The following NOL4L variants were observed in gnomAD, a reference collection of about 807,000 sequenced individuals.
The protein encoded by NOL4L is nucleolar protein 4-like.
A neutral mutation model predicts 64.5 loss-of-function variants in NOL4L; 7 were observed. That is an observed-to-expected ratio of 0.11 (90% CI 0.06 to 0.20). The LOEUF (loss-of-function observed/expected upper bound fraction) is 0.20, where lower values mean the gene tolerates loss of function less well. Ranked by LOEUF, NOL4L falls within the 10% of genes least tolerant of loss-of-function variation. NOL4L has a pLI of 1.00. For synonymous variants in NOL4L, 413 were observed against 401.0 expected (o/e 1.03, Z -0.36); for missense variants, 680 against 967.1 (o/e 0.70, Z 3.94).
intron 1 of NOL4L, chr20:32,548,649 T>G: frequency 3.5e-6 from 1 of 284,368 alleles, no homozygotes. Flanking sequence ...TTGCCGGGAG[T>G]GAAAATTGGT....
intron 1 of NOL4L, among the ~76,000 whole-genome samples, chr20:32,557,612 C>T (rs537373886): frequency 3.3e-5 from 5 of 152,296 alleles, no homozygotes; most frequent in African/African-American, 7.2e-5. Context: ...TTCCTCCTAG[C>T]GCTAAAAATG....
rs73613784 is a variant in NOL4L at position 32,580,385 on chromosome 20, C to T, written c.321+4185G>A. Among the ~76,000 whole-genome samples the T allele has an allele frequency of 6.6e-4, 101 of 152,286 alleles. 1 individual carries two copies. The East Asian group carries it at 0.016, about 24-fold the overall frequency. ...CAACCAAAGGTCACAGCACATATTA[C>T]GCGGTGCTAAGTCAGAGGCCATTTC... On this transcript the variant is annotated intron_variant, in intron 1 of 10. Transcript: ENST00000621426.
rs1349923392 is a variant in NOL4L, at chr20:32,463,586, G to A, written c.842-7191C>T. ...TGCCTACGGGCAGGGAAGGACTGCC[G>A]TGTCCGTCTATTTGAACATGGGGCA... is the stretch of plus-strand genomic sequence containing the variant. On this transcript the variant is annotated intron_variant, in intron 5 of 10. Transcript: ENST00000621426. This position sits in a 1 kb window ranked among gnomAD's most constrained non-coding sequence, Gnocchi z 5.8. 1.3e-5 allele frequency among the ~76,000 whole-genome samples: 2 copies of A among 152,250 alleles called. No homozygotes were observed. The highest frequency in any genetic ancestry group is 4.8e-5 in the African/African-American group (2 of 41,472).
At chr20:32,485,075 A>AAAAAAAAAAAAAC (rs1168944390) in intron 4 of NOL4L, among the ~76,000 whole-genome samples, 1 of 147,918 alleles carries the variant, frequency 6.8e-6, no homozygotes, top group Non-Finnish European at 1.5e-5. Context: ...AAAAAAAAAA[A>AAAAAAAAAAAAAC]AAAAAAAAAA....
chr20:32,499,155 G>T (rs889293850), intron 4 of NOL4L, among the ~76,000 whole-genome samples: 4 of 152,230 alleles, frequency 2.6e-5, no homozygotes, highest in African/African-American at 9.6e-5. Flanking sequence ...GGGATTACAG[G>T]CGTGAGCCAC....
chr20:32,497,422 AGTGC>A (rs2016738295), intron 4 of NOL4L, among the ~76,000 whole-genome samples: 1 of 152,166 alleles, frequency 6.6e-6, no homozygotes, highest in Admixed American at 6.5e-5. Context: ...CCTGAGTTTC[AGTGC>A]CTTAAGTAGA....
chr20:32,493,829 G>A lies in NOL4L; in HGVS notation c.699+17518C>T, dbSNP rs528930058. 7.2e-5 allele frequency among the ~76,000 whole-genome samples: 11 copies of A among 151,986 alleles called. No homozygotes were observed. The East Asian group carries it at 9.7e-4, about 13-fold the overall frequency. On this transcript the variant is annotated intron_variant, in intron 4 of 10. Transcript: ENST00000621426. Reference sequence around the variant, plus strand: ...GAGCCGATGGTGCTGGTGCTGCTGCGGCCTCAGCTTGTCCCTACCCTGACT... The same window carrying A: ...GAGCCGATGGTGCTGGTGCTGCTGCAGCCTCAGCTTGTCCCTACCCTGACT...
At chr20:32,567,589 G>C (rs1361070281) in intron 1 of NOL4L, among the ~76,000 whole-genome samples, 1 of 152,202 alleles carries the variant, frequency 6.6e-6, no homozygotes, top group South Asian at 2.1e-4. Flanking sequence ...ACTGCCTGCT[G>C]GAAGTGGCAG....
intron 4 of NOL4L, among the ~76,000 whole-genome samples, chr20:32,479,981 G>T (rs2015619670): frequency 6.6e-6 from 1 of 152,194 alleles, no homozygotes; most frequent in Non-Finnish European, 1.5e-5. Context: ...CTTCTGCATG[G>T]TAACTAGCAC....
chr20:32,580,672 A>T (rs1980409800), intron 1 of NOL4L, among the ~76,000 whole-genome samples: 1 of 152,152 alleles, frequency 6.6e-6, no homozygotes, highest in Non-Finnish European at 1.5e-5. Context: ...GTCCACGGAG[A>T]AGCTACAGCA....
chr20:32,548,608 A>T, intron 1 of NOL4L: 1 of 268,862 alleles, frequency 3.7e-6, no homozygotes, highest in Non-Finnish European at 7.5e-6. Flanking sequence ...AACCTCGGTC[A>T]TCACACGAAT....
At chr20:32,579,954 T>C (rs1980362824) in intron 1 of NOL4L, among the ~76,000 whole-genome samples, 1 of 152,110 alleles carries the variant, frequency 6.6e-6, no homozygotes, top group African/African-American at 2.4e-5. Context: ...CCACAGACTT[T>C]ATGTTGTGCC....
At chr20:32,507,443 G>C (rs535503951) in intron 4 of NOL4L, among the ~76,000 whole-genome samples, 1 of 152,220 alleles carries the variant, frequency 6.6e-6, no homozygotes, top group South Asian at 2.1e-4. Flanking sequence ...TGTGAATCTT[G>C]TTATTGAATT....
At chr20:32,494,273 A>AAAAAC (rs2016590271) in intron 4 of NOL4L, among the ~76,000 whole-genome samples, 3 of 143,318 alleles carry the variant, frequency 2.1e-5, no homozygotes, top group African/African-American at 8.1e-5. Flanking sequence ...AAAAAAAAAA[A>AAAAAC]AAAAAAAAAC....
chr20:32,533,310 A>G (rs2018409570), intron 1 of NOL4L: 1 of 152,254 alleles, frequency 6.6e-6, no homozygotes, highest in South Asian at 2.1e-4. Flanking sequence ...TCCTTAGACC[A>G]GCAGCATTGG....
At chr20:32,520,542 G>A (rs1053671463) in intron 3 of NOL4L, among the ~76,000 whole-genome samples, 1 of 152,182 alleles carries the variant, frequency 6.6e-6, no homozygotes, top group Admixed American at 6.5e-5. Flanking sequence ...GGAGGAAAGG[G>A]GCTGGCCGGG....
At chr20:32,579,798 G>C (rs1034212719) in intron 1 of NOL4L, among the ~76,000 whole-genome samples, 2 of 152,070 alleles carry the variant, frequency 1.3e-5, no homozygotes, top group Non-Finnish European at 2.9e-5. Context: ...AAAAACGCAC[G>C]CTCTGCCACT....
At chr20:32,452,200 G>A (rs2012984624) in intron 10 of NOL4L, 36 bp downstream of exon 10, 1 of 1,489,710 alleles carries the variant, frequency 6.7e-7, no homozygotes, top group South Asian at 1.4e-5. Context: ...CTGGGTGCTG[G>A]TCGGGAAGCC....
rs1555796559 is a variant in NOL4L at position 32,488,805 on chromosome 20, TTTTCTTTCTTTCTTTCTTTCTTTTTC to T, written c.700-14089_700-14064del. 9.1e-3 allele frequency among the ~76,000 whole-genome samples: 274 copies of T among 30,060 alleles called. 1 individual carries two copies. The highest frequency in any genetic ancestry group is 0.013 in the South Asian group (13 of 964). The allele number at this position is 30,060 out of a possible 152,430, so 19.7% of individuals were successfully genotyped here. ...TTCCTTCCTTCCTTTCTTTCTTTCT[TTTTCTTTCTTTCTTTCTTTCTTTTTC>T]TTTCTTTCTTTCTTTCTTTCTTTCT... On this transcript the variant is annotated intron_variant, in intron 4 of 10. Transcript: ENST00000621426.
Sources: gnomAD v4.1 joint callset for allele counts (sites outside exome capture counted in the v4.1 genomes callset) on GRCh38, gnomAD v4.1.1 for gene constraint, Gnocchi (gnomAD v3.1) non-coding constraint, MANE v1.5 for transcripts, NCBI Gene and HGNC (gene_info 2026-07-23, HGNC 2026-07-21) for gene names.